Variants in KIR2DL3 observed in about 807,000 individuals in gnomAD.
The protein encoded by KIR2DL3 is killer cell immunoglobulin-like receptor 2DL3.
KIR2DL3 carries 39 observed loss-of-function variants against 33.8 expected under a neutral mutation model. The ratio of observed to expected loss-of-function variants is 1.15; its 90% CI spans 0.89 to 1.51. The LOEUF (loss-of-function observed/expected upper bound fraction) is 1.51, where lower values mean the gene tolerates loss of function less well. Among genes scored for constraint, KIR2DL3 ranks in the 40% most tolerant of loss-of-function variants. KIR2DL3 has a pLI of 0.00. For synonymous variants in KIR2DL3, 174 were observed against 160.2 expected (o/e 1.09, Z -0.65); for missense variants, 462 against 426.2 (o/e 1.08, Z -0.74).
intron 4 of KIR2DL3, among the ~76,000 whole-genome samples, chr19:54,744,894 A>ATGTATG (rs1398189964): frequency 7.6e-5 from 4 of 52,712 alleles, no homozygotes; most frequent in Non-Finnish European, 1.6e-4. Context: ...ATATATATAT[A>ATGTATG]TATACACACA....
At chr19:54,750,154 A>C (rs1417918019) in intron 5 of KIR2DL3, among the ~76,000 whole-genome samples, 1 of 112,744 alleles carries the variant, frequency 8.9e-6, no homozygotes, top group African/African-American at 3.4e-5. Flanking sequence ...TCATCGCAAC[A>C]AAAAACTTGC....
At chr19:54,749,472 G>T (rs113485237) in intron 5 of KIR2DL3, among the ~76,000 whole-genome samples, 1 of 120,360 alleles carries the variant, frequency 8.3e-6, no homozygotes, top group Non-Finnish European at 1.9e-5. Flanking sequence ...TACTGGGTTT[G>T]ATTTTCCTAC....
intron 5 of KIR2DL3, among the ~76,000 whole-genome samples, chr19:54,750,458 A>G (rs2073244647): frequency 7.2e-6 from 1 of 139,328 alleles, no homozygotes; most frequent in South Asian, 2.4e-4. Context: ...ACGGGCTTCA[A>G]CACTATTTCC....
At chr19:54,747,148 C>G (rs2072639907) in intron 4 of KIR2DL3, among the ~76,000 whole-genome samples, 187 bp from the exon 5 acceptor site, 1 of 146,658 alleles carries the variant, frequency 6.8e-6, no homozygotes. Flanking sequence ...CTCCTGTTTT[C>G]TCTTTATACC....
intron 6 of KIR2DL3, among the ~76,000 whole-genome samples, 186 bp downstream of exon 6, chr19:54,751,939 G>T (rs1012999736): frequency 1.5e-5 from 2 of 133,690 alleles, no homozygotes; most frequent in African/African-American, 5.6e-5. Flanking sequence ...ACCATTGCCT[G>T]ATTCTGAACT....
chr19:54,746,811 T>C (rs146008121), intron 4 of KIR2DL3, among the ~76,000 whole-genome samples: 12,711 of 123,514 alleles, frequency 0.1, 452 homozygotes, highest in South Asian at 0.21. Flanking sequence ...GATGAAACAT[T>C]GTCTCCACTA....
intron 4 of KIR2DL3, among the ~76,000 whole-genome samples, chr19:54,744,897 T>TATATATATATATATATAC (rs1555906428): frequency 1.2e-4 from 7 of 57,484 alleles, no homozygotes; most frequent in Non-Finnish European, 2.1e-4. Context: ...TATATATATA[T>TATATATATATATATATAC]ACACACACAC....
chr19:54,744,215 G>A, intron 4 of KIR2DL3, 127 bp downstream of exon 4: 2 of 1,449,264 alleles, frequency 1.4e-6, no homozygotes, highest in Non-Finnish European at 9.4e-7. Context: ...GTGAGGGAGG[G>A]ATCAGGGCAC....
intron 4 of KIR2DL3, among the ~76,000 whole-genome samples, chr19:54,745,484 T>A (rs2147109799): frequency 6.6e-6 from 1 of 152,046 alleles, no homozygotes; most frequent in South Asian, 2.1e-4. Context: ...TGCCTCAGCC[T>A]CCCTAGTAGC....
At chr19:54,739,215 T>A (rs1313321094) in intron 1 of KIR2DL3, among the ~76,000 whole-genome samples, 2 of 148,364 alleles carry the variant, frequency 1.3e-5, no homozygotes, top group South Asian at 2.2e-4. Context: ...GATATGGGAC[T>A]GGATTGGAGA....
chr19:54,744,882 A>ATGTG (rs1432924167), intron 4 of KIR2DL3, among the ~76,000 whole-genome samples: 1 of 87,712 alleles, frequency 1.1e-5, no homozygotes, highest in African/African-American at 4.8e-5. Context: ...ATATATATAT[A>ATGTG]TATATATATA....
chr19:54,742,756 T>C (rs686822), intron 3 of KIR2DL3, among the ~76,000 whole-genome samples: 42,627 of 138,960 alleles, frequency 0.31, 4,599 homozygotes, highest in Middle Eastern at 0.39. Flanking sequence ...TGGAGAGTAA[T>C]CGTCCCAGGA....
In KIR2DL3 at chr19:54,741,870, A is replaced by G. The variant is rs2071189163; in HGVS notation, c.71-110A>G. ...CACAGAAAAGAACATGAAGACACAG[A>G]GAGGAAGGAGAGAGACAGACACCAG... On this transcript the variant is annotated intron_variant, in intron 2 of 7. Coordinates refer to ENST00000342376, the MANE Select transcript of KIR2DL3 (RefSeq NM_015868.3). 3 of 1,291,844 alleles carry G rather than the reference A, an allele frequency of 2.3e-6. No homozygotes were observed. The African/African-American group carries it at 4.5e-5, about 19-fold the overall frequency. The allele number at this position is 1,291,844 out of a possible 1,614,324, so 80.0% of individuals were successfully genotyped here. A position where few individuals can be genotyped will look rare whatever the true frequency, so the allele number is the denominator to read the frequency against.
At position 54,751,232 on chromosome 19, in the gene KIR2DL3, G is replaced by A. The variant is rs201549337; in HGVS notation, c.716-417G>A. On this transcript the variant is annotated intron_variant, in intron 5 of 7. Coordinates refer to ENST00000342376, the MANE Select transcript of KIR2DL3 (RefSeq NM_015868.3). ...CACACGGCAAGAGAGGGAGCAAGGG[G>A]GAGGGGGAGCGATGGAGCTTCCAAG... 9.9e-3 allele frequency among the ~76,000 whole-genome samples: 1,131 copies of A among 114,298 alleles called. 1 individual carries two copies. The highest frequency in any genetic ancestry group is 0.025 in the South Asian group (68 of 2,764). The allele number at this position is 114,298 out of a possible 152,430, so 75.0% of individuals were successfully genotyped here.
At position 54,743,917 on chromosome 19, in the gene KIR2DL3, G is replaced by T. The variant is rs1293311859; in HGVS notation, c.493G>T (p.Glu165Ter). The change falls in exon 4 of 8, where the codon GAG becomes TAG. Residue 165 changes from glutamate (E) to a stop codon, truncating the protein, a stop_gained. Coordinates refer to ENST00000342376, the MANE Select transcript of KIR2DL3 (RefSeq NM_015868.3). LOFTEE classifies it high-confidence loss of function. ...YDMYHLSREG[E>*]AHERRFSAGP... ...CATGTACCATCTATCCAGGGAGGGG[G>T]AGGCCCATGAACGTAGGTTCTCTGC... The T allele has an allele frequency of 2.5e-6, 4 of 1,613,990 alleles. No homozygotes were observed. The African/African-American group carries it at 5.3e-5, about 22-fold the overall frequency.
At chr19:54,743,287 A>G (rs774244090) in intron 3 of KIR2DL3, among the ~76,000 whole-genome samples, 7 of 152,212 alleles carry the variant, frequency 4.6e-5, no homozygotes, top group Admixed American at 6.5e-5. Flanking sequence ...ACGTACAGAT[A>G]GAGAGGCAGA....
rs1445165711 is a variant in KIR2DL3, at chr19:54,743,933, G to A, written c.509G>A (p.Arg170Lys). Reference protein sequence around the residue: ...LSREGEAHERRFSAGPKVNGT... With the variant: ...LSREGEAHERKFSAGPKVNGT... The stretch of plus-strand genomic sequence containing the variant: ...AGGGAGGGGGAGGCCCATGAACGTA[G>A]GTTCTCTGCAGGGCCCAAGGTCAAC... The change falls in exon 4 of 8, where the codon AGG becomes AAG. Residue 170 changes from arginine to lysine, a missense_variant. Arg to Lys is a conservative substitution (Grantham distance 26). Transcript: ENST00000342376. 6.2e-7 allele frequency: 1 copy of A among 1,614,046 alleles called. No homozygotes were observed. The highest frequency in any genetic ancestry group is 1.3e-5 in the African/African-American group (1 of 74,908).
At chr19:54,745,343 C>A (rs1248072408) in intron 4 of KIR2DL3, among the ~76,000 whole-genome samples, 6 of 151,872 alleles carry the variant, frequency 4.0e-5, no homozygotes, top group Admixed American at 2.0e-4. Flanking sequence ...TATGAAAGTT[C>A]TCTTTTTAGT....
At chr19:54,741,883 A>G in intron 2 of KIR2DL3, 97 bp from the exon 3 acceptor site, 2 of 1,327,050 alleles carry the variant, frequency 1.5e-6, no homozygotes, top group South Asian at 2.7e-5. Flanking sequence ...GGAAGGAGAG[A>G]GACAGACACC....
Sources: gnomAD v4.1 joint callset for allele counts (sites outside exome capture counted in the v4.1 genomes callset) on GRCh38, gnomAD v4.1.1 for gene constraint, MANE v1.5 for transcripts, NCBI Gene and HGNC (gene_info 2026-07-23, HGNC 2026-07-21) for gene names.